GLS: variants seen among roughly 807,000 people sequenced by gnomAD.
The protein encoded by GLS is glutaminase kidney isoform, mitochondrial.
A neutral mutation model predicts 86.7 loss-of-function variants in GLS; 36 were observed. The observed-to-expected ratio is 0.42, with a 90% confidence interval of 0.32 to 0.55. The LOEUF (loss-of-function observed/expected upper bound fraction) is 0.55. Among genes scored for constraint, GLS ranks in the 20% least tolerant of loss-of-function variants. The pLI is 0.17. For missense variants in GLS, 528 were observed against 833.4 expected (o/e 0.63, Z 4.51); for synonymous variants, 317 against 305.9 (o/e 1.04, Z -0.38).
At chr2:190,893,602 T>C (rs575380707) in intron 1 of GLS, among the ~76,000 whole-genome samples, 13 of 152,232 alleles carry the variant, frequency 8.5e-5, no homozygotes, top group Non-Finnish European at 1.9e-4. Context: ...GTATTTTTTT[T>C]GGAGACAGAG....
chr2:190,913,782 T>A lies in GLS; in HGVS notation c.1038+3461T>A, dbSNP rs1259669686. ...AGTAAAAGTTACACTGTCTTCTATG[T>A]TTTTACCTCTCAGAGTTTTTTGTTT... is the stretch of plus-strand genomic sequence containing the variant. On this transcript the variant is annotated intron_variant, in intron 7 of 17. Transcript: ENST00000320717. This position sits in a 1 kb window ranked among gnomAD's most constrained non-coding sequence, Gnocchi z 6.1. The A allele has an allele frequency of 5.2e-6, 5 of 966,156 alleles. No individual in the cohort carries two copies. The highest frequency in any genetic ancestry group is 6.2e-6 in the Non-Finnish European group (5 of 812,550). The allele number at this position is 966,156 out of a possible 1,614,324, so 59.8% of individuals were successfully genotyped here.
At chr2:190,894,675 C>T (rs1459054757) in intron 1 of GLS, among the ~76,000 whole-genome samples, 2 of 152,178 alleles carry the variant, frequency 1.3e-5, no homozygotes, top group Admixed American at 6.5e-5. Context: ...TTGATCTTAA[C>T]TACTGTGTAG....
intron 11 of GLS, among the ~76,000 whole-genome samples, chr2:190,925,842 C>G (rs183467750): frequency 6.6e-6 from 1 of 152,242 alleles, no homozygotes; most frequent in East Asian, 1.9e-4. Context: ...TTACTGATCC[C>G]TAGTTTCCTT....
rs1689689641 is a variant in GLS at position 190,920,290 on chromosome 2, C to T, written c.1039-734C>T. On this transcript the variant is annotated intron_variant, in intron 7 of 17. Transcript: ENST00000320717. This position sits in a 1 kb window ranked among gnomAD's most constrained non-coding sequence, Gnocchi z 4.2. ...TGGCTACTTGAACTGATCTACATTA[C>T]ATAGATTTTTCCTATTGACATTTGC... is the stretch of plus-strand genomic sequence containing the variant. 6.6e-6 allele frequency: 1 copy of T among 151,842 alleles called. No individual in the cohort carries two copies. Among genetic ancestry groups the T allele is most frequent in the Non-Finnish European group, 1.5e-5 (1 of 67,794 alleles). The allele number at this position is 151,842 out of a possible 1,614,324, so 9.4% of individuals were successfully genotyped here.
At position 190,914,390 on chromosome 2, in the gene GLS, A is replaced by G. The variant is rs1049877094; in HGVS notation, c.1038+4069A>G. ...TGCAACATTCAGAAGACAGGATTAT[A>G]TTGGTTTATTTACTTCTTGTTTATA... On this transcript the variant is annotated intron_variant, in intron 7 of 17. Transcript: ENST00000320717. This position sits in a 1 kb window ranked among gnomAD's most constrained non-coding sequence, Gnocchi z 4.4. Among the ~76,000 whole-genome samples, 1 of 150,612 alleles carries G rather than the reference A, an allele frequency of 6.6e-6. No homozygotes were observed. Among genetic ancestry groups the G allele is most frequent in the Admixed American group, 6.6e-5 (1 of 15,138 alleles).
In GLS at chr2:190,965,514, C is replaced by CT. The variant is rs1691100612; in HGVS notation, c.*2533dup. 6.6e-6 allele frequency: 1 copy of CT among 152,308 alleles called. No individual in the cohort carries two copies. The highest frequency in any genetic ancestry group is 1.5e-5 in the Non-Finnish European group (1 of 67,998). 9.4% of individuals were successfully genotyped at this position (152,308 alleles called of 1,614,324 possible). ...TTTTAAATGCAATCAGGTAGTGTTG[C>CT]TTTTTACAGCATAATAAATATATGT... On this transcript the variant is annotated 3_prime_UTR_variant, in exon 18 of 18. Coordinates refer to ENST00000320717, the MANE Select transcript of GLS (RefSeq NM_014905.5). This position sits in a 1 kb window ranked among gnomAD's most constrained non-coding sequence, Gnocchi z 5.0.
In GLS at chr2:190,961,531, A is replaced by G. The variant is rs542138765; in HGVS notation, c.1854-1299A>G. ...TCTTTAAAGTTCATATTTTTCATTAATTCACAGAAGAATTGTAAAAAAGGT... is the reference window on the plus strand; with the variant it reads ...TCTTTAAAGTTCATATTTTTCATTAGTTCACAGAAGAATTGTAAAAAAGGT... On this transcript the variant is annotated intron_variant, in intron 17 of 17. Transcript: ENST00000320717. Among the ~76,000 whole-genome samples, 4 of 152,262 alleles carry G rather than the reference A, an allele frequency of 2.6e-5. No homozygotes were observed. In the East Asian group the frequency reaches 7.7e-4, roughly 29 times the overall value.
At chr2:190,908,013 G>A (rs1171431821) in intron 6 of GLS, among the ~76,000 whole-genome samples, 2 of 152,188 alleles carry the variant, frequency 1.3e-5, no homozygotes, top group East Asian at 3.8e-4. Flanking sequence ...TGAATTGATA[G>A]GATGAATTGT....
chr2:190,944,359 A>G (rs1690528814), intron 14 of GLS, among the ~76,000 whole-genome samples: 1 of 152,102 alleles, frequency 6.6e-6, no homozygotes, highest in African/African-American at 2.4e-5. Context: ...ATCCTAACAC[A>G]CTAATGTAAT....
chr2:190,965,191 G>A lies in GLS; in HGVS notation c.*2205G>A, dbSNP rs1691094286. The A allele has an allele frequency of 6.6e-6, 1 of 152,608 alleles. No homozygotes were observed. The highest frequency in any genetic ancestry group is 1.9e-4 in the East Asian group (1 of 5,178). The allele number at this position is 152,608 out of a possible 1,614,324, so 9.5% of individuals were successfully genotyped here. A position where few individuals can be genotyped will look rare whatever the true frequency, so the allele number is the denominator to read the frequency against. The stretch of plus-strand genomic sequence containing the variant: ...TATGTGCTTTTTCTGTATCCTGAGC[G>A]CTCTATATGATCATGTTAATTTAAA... On this transcript the variant is annotated 3_prime_UTR_variant, in exon 18 of 18. Coordinates refer to ENST00000320717, the MANE Select transcript of GLS (RefSeq NM_014905.5). This position sits in a 1 kb window ranked among gnomAD's most constrained non-coding sequence, Gnocchi z 5.0.
chr2:190,887,655 G>A (rs576497836), intron 1 of GLS, among the ~76,000 whole-genome samples: 4 of 152,144 alleles, frequency 2.6e-5, no homozygotes, highest in African/African-American at 4.8e-5. Context: ...TAAGCTCTAT[G>A]AGGAACTTAC....
intron 14 of GLS, chr2:190,934,843 T>G (rs1483957018): frequency 5.1e-6 from 5 of 976,172 alleles, no homozygotes; most frequent in Non-Finnish European, 6.1e-6. Flanking sequence ...GAGCAGAAAT[T>G]TTTATAGAAA....
chr2:190,941,996 TTC>T (rs1276505108), intron 14 of GLS, among the ~76,000 whole-genome samples: 1 of 151,114 alleles, frequency 6.6e-6, no homozygotes, highest in Non-Finnish European at 1.5e-5. Flanking sequence ...TGGGAGACAT[TTC>T]TGAAAGGTCT....
At chr2:190,888,040 G>T (rs2125976231) in intron 1 of GLS, among the ~76,000 whole-genome samples, 1 of 152,246 alleles carries the variant, frequency 6.6e-6, no homozygotes, top group South Asian at 2.1e-4. Flanking sequence ...TGTTTTTCCT[G>T]CCTCCTTTTG....
At chr2:190,961,778 A>G (rs768015234) in intron 17 of GLS, among the ~76,000 whole-genome samples, 2 of 151,786 alleles carry the variant, frequency 1.3e-5, no homozygotes, top group African/African-American at 4.8e-5. Flanking sequence ...TTATCCAAAT[A>G]TATTAAAAAA....
chr2:190,882,855 C>CT (rs1688250333), intron 1 of GLS, among the ~76,000 whole-genome samples: 1 of 152,048 alleles, frequency 6.6e-6, no homozygotes, highest in Non-Finnish European at 1.5e-5. Flanking sequence ...TAAATTTGTA[C>CT]TTCTCTCATG....
At chr2:190,901,835 G>C in intron 4 of GLS, 112 bp from the exon 5 acceptor site, 1 of 709,336 alleles carries the variant, frequency 1.4e-6, no homozygotes, top group Non-Finnish European at 2.6e-6. Context: ...GAGTGTTGTA[G>C]AATAACTAGT....
chr2:190,903,763 G>C (rs905538660), intron 5 of GLS, among the ~76,000 whole-genome samples: 3 of 152,022 alleles, frequency 2.0e-5, no homozygotes. Flanking sequence ...TGTCAAGTTT[G>C]AAGTAACAAT....
chr2:190,917,491 C>T (rs1307840718), intron 7 of GLS, among the ~76,000 whole-genome samples: 1 of 152,130 alleles, frequency 6.6e-6, no homozygotes, highest in East Asian at 1.9e-4. Flanking sequence ...ATTGATATTT[C>T]GACCACCTAT....
Sources: allele counts gnomAD v4.1 joint callset (sites outside exome capture counted in the v4.1 genomes callset), GRCh38; gene constraint gnomAD v4.1.1; non-coding constraint Gnocchi (gnomAD v3.1); transcripts MANE v1.5; gene names NCBI Gene and HGNC (gene_info 2026-07-23, HGNC 2026-07-21).